GFRA1: variants seen among roughly 807,000 people sequenced by gnomAD.
GFRA1 encodes GDNF family receptor alpha-1.
Under a neutral mutation model 51.6 loss-of-function variants are expected in GFRA1, and 16 were observed. The ratio of observed to expected loss-of-function variants is 0.31; its 90% CI spans 0.21 to 0.47. The LOEUF (loss-of-function observed/expected upper bound fraction) is 0.47, where lower values mean the gene tolerates loss of function less well. Among genes scored for constraint, GFRA1 ranks in the 20% least tolerant of loss-of-function variants. GFRA1 has a pLI of 1.00. For synonymous variants in GFRA1, 270 were observed against 241.3 expected, an observed-to-expected ratio of 1.12 and a Z score of -1.10; for missense variants, 530 against 594.3, an observed-to-expected ratio of 0.89 and a Z score of 1.13.
At chr10:116,175,831 C>T (rs1352124760) in intron 5 of GFRA1, among the ~76,000 whole-genome samples, 1 of 152,136 alleles carries the variant, frequency 6.6e-6, no homozygotes. Flanking sequence ...ATGTGTATTG[C>T]CTTATTTTCC....
intron 5 of GFRA1, among the ~76,000 whole-genome samples, chr10:116,179,927 C>G (rs1282725874): frequency 1.3e-5 from 2 of 152,116 alleles, no homozygotes; most frequent in East Asian, 3.9e-4. Context: ...GTCCTGCACA[C>G]CATCCTCTGG....
intron 6 of GFRA1, among the ~76,000 whole-genome samples, chr10:116,109,643 T>C (rs915734359): frequency 3.6e-4 from 54 of 152,014 alleles, no homozygotes; most frequent in African/African-American, 1.1e-3. Flanking sequence ...CACTGAGAAG[T>C]AGGGCTCCCC....
chr10:116,231,300 T>A (rs1667409173), intron 4 of GFRA1, among the ~76,000 whole-genome samples: 2 of 152,192 alleles, frequency 1.3e-5, no homozygotes, highest in Non-Finnish European at 2.9e-5. Context: ...TGGCTCTGTG[T>A]CATGAATTCA....
At chr10:116,211,681 G>T in intron 4 of GFRA1, 36 bp from the exon 5 acceptor site, 1 of 1,523,452 alleles carries the variant, frequency 6.6e-7, no homozygotes. Context: ...GAGGGGAGAG[G>T]GGAGAAAGAG....
At position 116,221,592 on chromosome 10, in the gene GFRA1, T is replaced by C. The variant is rs569546152; in HGVS notation, c.419-9947A>G. Among the ~76,000 whole-genome samples, 15 of 152,262 alleles carry C rather than the reference T, an allele frequency of 9.9e-5. No homozygotes were observed. The East Asian group carries it at 2.9e-3, about 29-fold the overall frequency. On this transcript the variant is annotated intron_variant, in intron 4 of 10. Coordinates refer to ENST00000355422, the MANE Select transcript of GFRA1 (RefSeq NM_005264.8). Reference sequence around the variant, plus strand: ...GGCAGGTGCCACCACGGCCAGCTAATTTTTGTGATTTTAGCAGAGATGTGG... The same window carrying C: ...GGCAGGTGCCACCACGGCCAGCTAACTTTTGTGATTTTAGCAGAGATGTGG...
At chr10:116,099,504 C>T (rs1322356651) in intron 6 of GFRA1, among the ~76,000 whole-genome samples, 1 of 152,218 alleles carries the variant, frequency 6.6e-6, no homozygotes, top group Non-Finnish European at 1.5e-5. Flanking sequence ...CAATTAACCT[C>T]TGGTCTTCAG....
At position 116,058,069 on chromosome 10, in the gene GFRA1, G is replaced by A. The variant is rs1367642518; in HGVS notation, c.*6329C>T. 6.8e-6 allele frequency: 1 copy of A among 146,106 alleles called. No homozygotes were observed. Among genetic ancestry groups the A allele is most frequent in the African/African-American group, 2.6e-5 (1 of 38,884 alleles). The allele number at this position is 146,106 out of a possible 1,614,324, so 9.1% of individuals were successfully genotyped here. A position where few individuals can be genotyped will look rare whatever the true frequency, so the allele number is the denominator to read the frequency against. ...CAGAGAGAACCACGCTTTATTGGCG[G>A]AGCCTTATGTGCCAGCGAACTGAGA... is the stretch of plus-strand genomic sequence containing the variant. On this transcript the variant is annotated 3_prime_UTR_variant, in exon 11 of 11. Transcript: ENST00000355422.
At chr10:116,259,943 C>T (rs758859324) in intron 4 of GFRA1, among the ~76,000 whole-genome samples, 8 of 152,136 alleles carry the variant, frequency 5.3e-5, no homozygotes, top group Non-Finnish European at 7.3e-5. Flanking sequence ...GCAGGACACA[C>T]GGCAGGGGAA....
intron 4 of GFRA1, among the ~76,000 whole-genome samples, chr10:116,214,920 T>G (rs1965455027): frequency 6.6e-6 from 1 of 152,358 alleles, no homozygotes; most frequent in East Asian, 1.9e-4. Context: ...ACTATTTGTA[T>G]CTTCGATTCC....
chr10:116,178,121 G>A (rs531707481), intron 5 of GFRA1, among the ~76,000 whole-genome samples: 2 of 152,322 alleles, frequency 1.3e-5, no homozygotes, highest in African/African-American at 4.8e-5. Flanking sequence ...TCTGCCTGTC[G>A]TGTTCCTAAG....
intron 8 of GFRA1, among the ~76,000 whole-genome samples, chr10:116,091,426 G>A (rs1040683206): frequency 2.0e-5 from 3 of 152,220 alleles, no homozygotes; most frequent in African/African-American, 7.2e-5. Flanking sequence ...GGGAGCGCCA[G>A]AGGCATTGAC....
intron 5 of GFRA1, among the ~76,000 whole-genome samples, chr10:116,175,843 A>C (rs943917071): frequency 6.6e-6 from 1 of 152,220 alleles, no homozygotes. Flanking sequence ...TTATTTTCCA[A>C]AGGGACCTAC....
intron 6 of GFRA1, among the ~76,000 whole-genome samples, chr10:116,113,035 C>T (rs905855360): frequency 6.6e-6 from 1 of 152,216 alleles, no homozygotes; most frequent in African/African-American, 2.4e-5. Context: ...CTGGCAGTCT[C>T]AGGGAACCTC....
In GFRA1 at chr10:116,255,766, GC is replaced by G. The variant is rs1325129690; in HGVS notation, c.418+13736del. On this transcript the variant is annotated intron_variant, in intron 4 of 10. Transcript: ENST00000355422. Reference sequence around the variant, plus strand: ...ATGGCATTGCACTCTGCACTTTCTGGCCCACCACCATCTCCCCAGCAGCTAG... The same window carrying G: ...ATGGCATTGCACTCTGCACTTTCTGGCCACCACCATCTCCCCAGCAGCTAG... The G allele has an allele frequency of 2.3e-6, 3 of 1,283,676 alleles. No homozygotes were observed. The African/African-American group carries it at 4.6e-5, about 20-fold the overall frequency. 79.5% of individuals were successfully genotyped at this position (1,283,676 alleles called of 1,614,324 possible). A position where few individuals can be genotyped will look rare whatever the true frequency, so the allele number is the denominator to read the frequency against.
intron 9 of GFRA1, among the ~76,000 whole-genome samples, chr10:116,071,667 T>C (rs149560666): frequency 6.4e-4 from 97 of 152,294 alleles, no homozygotes; most frequent in African/African-American, 2.3e-3. Flanking sequence ...TAGTTTGAGC[T>C]TAGTGCCAAG....
chr10:116,246,547 G>GA (rs1967879902), intron 4 of GFRA1, among the ~76,000 whole-genome samples: 4 of 151,860 alleles, frequency 2.6e-5, no homozygotes, highest in Admixed American at 1.3e-4. Flanking sequence ...CTAGTAATTA[G>GA]CAAAAAACGA....
intron 6 of GFRA1, among the ~76,000 whole-genome samples, chr10:116,113,328 A>T (rs1434948517): frequency 2.0e-5 from 3 of 152,168 alleles, no homozygotes; most frequent in Non-Finnish European, 4.4e-5. Context: ...CAGTGTGGTA[A>T]GTACCTATAG....
chr10:116,230,999 A>C (rs1422261667), intron 4 of GFRA1, among the ~76,000 whole-genome samples: 1 of 152,200 alleles, frequency 6.6e-6, no homozygotes, highest in Non-Finnish European at 1.5e-5. Context: ...GGGCTAGCTT[A>C]CTGATGGGGA....
chr10:116,091,758 G>C (rs1046970517), intron 8 of GFRA1, among the ~76,000 whole-genome samples: 1 of 152,204 alleles, frequency 6.6e-6, no homozygotes, highest in South Asian at 2.1e-4. Context: ...ACAAGAGATT[G>C]AACTGATGGC....
Sources: gnomAD v4.1 joint callset for allele counts (sites outside exome capture counted in the v4.1 genomes callset) on GRCh38, gnomAD v4.1.1 for gene constraint, MANE v1.5 for transcripts, NCBI Gene and HGNC (gene_info 2026-07-23, HGNC 2026-07-21) for gene names.